The following PTPRD variants were observed in gnomAD, a reference collection of about 807,000 sequenced individuals.
PTPRD encodes the protein protein tyrosine phosphatase receptor type D, also known as receptor-type tyrosine-protein phosphatase delta.
PTPRD carries 34 observed loss-of-function variants against 214.5 expected under a neutral mutation model. The observed-to-expected ratio is 0.16, with a 90% CI of 0.12 to 0.21. The LOEUF is 0.21. Ranked by LOEUF, PTPRD falls within the 10% of genes least tolerant of loss-of-function variation. The pLI, the probability that PTPRD is intolerant of heterozygous loss-of-function variation, is 1.00. For missense variants in PTPRD, 2,545 were observed against 2,398.7 expected, an observed-to-expected ratio of 1.06 and a Z score of -1.27; for synonymous variants, 1,128 against 845.7, an observed-to-expected ratio of 1.33 and a Z score of -5.79.
At chr9:10,019,130 A>T (rs1236976766) in intron 4 of PTPRD, among the ~76,000 whole-genome samples, 1 of 152,180 alleles carries the variant, frequency 6.6e-6, no homozygotes, top group Admixed American at 6.5e-5. Flanking sequence ...ATGAACAGAC[A>T]CTTCTCAAAA....
chr9:9,242,401 G>C (rs545309914), intron 9 of PTPRD, among the ~76,000 whole-genome samples: 2 of 152,158 alleles, frequency 1.3e-5, no homozygotes, highest in African/African-American at 4.8e-5. Flanking sequence ...TGCCTTGCTA[G>C]ATTGGGGAAG....
At chr9:9,524,990 G>T (rs944774930) in intron 8 of PTPRD, among the ~76,000 whole-genome samples, 5 of 151,990 alleles carry the variant, frequency 3.3e-5, no homozygotes, top group South Asian at 4.2e-4. Flanking sequence ...CCCGAGTAGC[G>T]GGGACTACAG....
At chr9:8,812,449 A>C (rs1258586910) in intron 11 of PTPRD, among the ~76,000 whole-genome samples, 1 of 152,238 alleles carries the variant, frequency 6.6e-6, no homozygotes, top group Non-Finnish European at 1.5e-5. Context: ...TGGTAAACTT[A>C]TATCCATCAA....
At chr9:8,739,165 C>T (rs1376877995) in intron 11 of PTPRD, among the ~76,000 whole-genome samples, 2 of 152,226 alleles carry the variant, frequency 1.3e-5, no homozygotes, top group Non-Finnish European at 2.9e-5. Flanking sequence ...CTGGAGCCTA[C>T]AGCAAACCTG....
chr9:9,230,827 G>A (rs1472371977), intron 9 of PTPRD, among the ~76,000 whole-genome samples: 1 of 152,112 alleles, frequency 6.6e-6, no homozygotes, highest in Non-Finnish European at 1.5e-5. Context: ...ACTAACCTGA[G>A]AGATTTTGCC....
chr9:8,512,944 G>A (rs968826745), intron 21 of PTPRD, among the ~76,000 whole-genome samples: 1 of 151,892 alleles, frequency 6.6e-6, no homozygotes, highest in African/African-American at 2.4e-5. Flanking sequence ...GTTACCCTAT[G>A]CTTTTGGTAC....
At chr9:9,756,945 T>A (rs1200400550) in intron 6 of PTPRD, among the ~76,000 whole-genome samples, 1 of 152,218 alleles carries the variant, frequency 6.6e-6, no homozygotes, top group Non-Finnish European at 1.5e-5. Context: ...ACTTTTTCTG[T>A]GAAGCTCATT....
intron 8 of PTPRD, among the ~76,000 whole-genome samples, chr9:9,548,404 TC>T (rs368257321): frequency 0.014 from 1,963 of 142,774 alleles, 26 homozygotes; most frequent in Admixed American, 0.02. Flanking sequence ...TGACTTTTTT[TC>T]TTTTTTTTTT....
intron 10 of PTPRD, among the ~76,000 whole-genome samples, chr9:9,089,444 T>C (rs1361752223): frequency 6.6e-6 from 1 of 152,212 alleles, no homozygotes; most frequent in African/African-American, 2.4e-5. Context: ...AATATTAATA[T>C]TTGATCTGCG....
chr9:9,250,845 A>G (rs1293945894), intron 9 of PTPRD, among the ~76,000 whole-genome samples: 3 of 152,116 alleles, frequency 2.0e-5, no homozygotes, highest in Non-Finnish European at 4.4e-5. Context: ...CATTCCTATG[A>G]TAGCAGCTTG....
chr9:8,651,287 G>C (rs2096801579), intron 12 of PTPRD, among the ~76,000 whole-genome samples: 1 of 152,094 alleles, frequency 6.6e-6, no homozygotes, highest in Admixed American at 6.5e-5. Flanking sequence ...TGAGCTATTT[G>C]GGGGTACAAA....
chr9:9,568,741 T>G (rs1015378367), intron 8 of PTPRD, among the ~76,000 whole-genome samples: 33 of 151,970 alleles, frequency 2.2e-4, no homozygotes, highest in African/African-American at 7.2e-4. Context: ...AATTTTCCAC[T>G]GATGGGTAAC....
At chr9:10,123,154 G>GA (rs2098790011) in intron 3 of PTPRD, among the ~76,000 whole-genome samples, 1 of 152,208 alleles carries the variant, frequency 6.6e-6, no homozygotes, top group Non-Finnish European at 1.5e-5. Context: ...GACAGTAGAC[G>GA]TTCCCTGAAG....
intron 2 of PTPRD, among the ~76,000 whole-genome samples, chr9:10,580,317 T>C (rs903319160): frequency 1.3e-5 from 2 of 152,192 alleles, no homozygotes; most frequent in African/African-American, 4.8e-5. Flanking sequence ...AAATAAAATA[T>C]TACATTCTTT....
Position 9,731,709 on chromosome 9 carries a change from AC to A in PTPRD, c.-287+2823del, listed in dbSNP as rs563599755. Reference sequence around the variant, plus strand: ...AACATCTCAGCAAACTATCACAAGGACAAAAAACCGAACACCGCATGTTCTC... The same window carrying A: ...AACATCTCAGCAAACTATCACAAGGAAAAAAACCGAACACCGCATGTTCTC... On this transcript the variant is annotated intron_variant, in intron 7 of 45. Coordinates refer to ENST00000381196, the MANE Select transcript of PTPRD (RefSeq NM_002839.4). Among the ~76,000 whole-genome samples the A allele has an allele frequency of 4.8e-3, 733 of 152,324 alleles. 6 individuals are homozygous for A. Among genetic ancestry groups the A allele is most frequent in the African/African-American group, 0.017 (692 of 41,582 alleles).
intron 42 of PTPRD, 34 bp downstream of exon 42, chr9:8,340,309 C>T (rs1382306528): frequency 1.3e-6 from 2 of 1,564,494 alleles, no homozygotes; most frequent in Non-Finnish European, 1.7e-6. Context: ...GAGTAAATGT[C>T]TTATGAGGAG....
At chr9:8,980,022 A>C (rs896366452) in intron 11 of PTPRD, among the ~76,000 whole-genome samples, 2 of 152,136 alleles carry the variant, frequency 1.3e-5, no homozygotes, top group African/African-American at 4.8e-5. Flanking sequence ...ACACACACAC[A>C]TACACACTGG....
chr9:10,279,235 T>C (rs1232931150), intron 3 of PTPRD, among the ~76,000 whole-genome samples: 1 of 151,864 alleles, frequency 6.6e-6, no homozygotes, highest in African/African-American at 2.4e-5. Context: ...CATCCACATA[T>C]AGCAGAGCTT....
chr9:9,650,781 GAAA>G (rs1183568670), intron 7 of PTPRD, among the ~76,000 whole-genome samples: 1 of 148,478 alleles, frequency 6.7e-6, no homozygotes, highest in Non-Finnish European at 1.5e-5. Flanking sequence ...ACTTGAAAGT[GAAA>G]AAAAAATCTT....
Sources: gnomAD v4.1 joint callset for allele counts (sites outside exome capture counted in the v4.1 genomes callset) on GRCh38, gnomAD v4.1.1 for gene constraint, MANE v1.5 for transcripts, NCBI Gene and HGNC (gene_info 2026-07-23, HGNC 2026-07-21) for gene names.